The following EVA1A variants were observed in gnomAD, a reference collection of about 807,000 sequenced individuals.
EVA1A encodes the protein protein eva-1 homolog A.
EVA1A carries 7 observed loss-of-function variants against 9.8 expected under a neutral mutation model. That is an observed-to-expected ratio of 0.71 (90% CI 0.41 to 1.34). EVA1A has a LOEUF of 1.34. Among genes scored for constraint, EVA1A ranks in the 40% most tolerant of loss-of-function variants. The pLI is 0.01. For synonymous variants in EVA1A, 90 were observed against 85.6 expected (o/e 1.05, Z -0.28); for missense variants, 206 against 205.9 (o/e 1.00, Z 0.00).
intron 2 of EVA1A, among the ~76,000 whole-genome samples, chr2:75,519,915 C>A (rs919991582): frequency 3.9e-5 from 6 of 152,050 alleles, no homozygotes; most frequent in Admixed American, 3.3e-4. Flanking sequence ...ATGATACCTC[C>A]TTCCTTCTCA....
chr2:75,524,876 A>G (rs1675365837), intron 1 of EVA1A, among the ~76,000 whole-genome samples: 1 of 152,086 alleles, frequency 6.6e-6, no homozygotes, highest in Non-Finnish European at 1.5e-5. Flanking sequence ...GCTGATCTCC[A>G]TCTCTCTATA....
intron 1 of EVA1A, among the ~76,000 whole-genome samples, chr2:75,553,424 G>C (rs568847459): frequency 6.6e-6 from 1 of 152,354 alleles, no homozygotes; most frequent in South Asian, 2.1e-4. Context: ...ACTGTAATGA[G>C]AGATGGACAG....
At chr2:75,536,755 T>A (rs886423215) in intron 1 of EVA1A, among the ~76,000 whole-genome samples, 1 of 152,026 alleles carries the variant, frequency 6.6e-6, no homozygotes, top group East Asian at 1.9e-4. Flanking sequence ...TCATCCAATA[T>A]GACAGAGATA....
intron 1 of EVA1A, among the ~76,000 whole-genome samples, chr2:75,559,637 A>G (rs1676842803): frequency 6.9e-6 from 1 of 144,742 alleles, no homozygotes; most frequent in South Asian, 2.2e-4. Flanking sequence ...TTTGAATATA[A>G]TCAAGGTATA....
At chr2:75,560,461 A>G (rs1249188061) in intron 1 of EVA1A, among the ~76,000 whole-genome samples, 1 of 152,156 alleles carries the variant, frequency 6.6e-6, no homozygotes, top group African/African-American at 2.4e-5. Flanking sequence ...GAAACAGGAA[A>G]GTGGGAGGAA....
Position 75,566,750 on chromosome 2 carries a change from C to T in EVA1A, c.-192+2726G>A, listed in dbSNP as rs569045838. On this transcript the variant is annotated intron_variant, in intron 1 of 3. Transcript: ENST00000233712. ...TATTTCTCTAGCCAGTTGCTGCTGC[C>T]CAATACAACATTTCTTCTGATTAAT... 5.9e-5 allele frequency among the ~76,000 whole-genome samples: 9 copies of T among 151,926 alleles called. No individual in the cohort carries two copies. The East Asian group carries it at 1.7e-3, about 29-fold the overall frequency.
intron 1 of EVA1A, among the ~76,000 whole-genome samples, chr2:75,568,777 A>T (rs112334763): frequency 9.2e-5 from 14 of 152,364 alleles, no homozygotes; most frequent in African/African-American, 3.1e-4. Context: ...ACATTGCTGT[A>T]AAAGACATTA....
intron 1 of EVA1A, among the ~76,000 whole-genome samples, chr2:75,528,955 G>A (rs1358595399): frequency 6.6e-6 from 1 of 152,184 alleles, no homozygotes; most frequent in Non-Finnish European, 1.5e-5. Context: ...CAGAGGTCCT[G>A]AATCTGTCTG....
intron 1 of EVA1A, chr2:75,558,487 A>G (rs979356149): frequency 2.0e-5 from 3 of 152,208 alleles, no homozygotes; most frequent in African/African-American, 4.8e-5. Flanking sequence ...AAATACTGCA[A>G]GAGATACATA....
chr2:75,568,586 G>A (rs1003786335), intron 1 of EVA1A, among the ~76,000 whole-genome samples: 7 of 152,072 alleles, frequency 4.6e-5, no homozygotes, highest in African/African-American at 1.7e-4. Context: ...TGTACCCAGT[G>A]TGTAGTCTTT....
intron 3 of EVA1A, among the ~76,000 whole-genome samples, chr2:75,514,467 G>A (rs965247403): frequency 6.6e-6 from 1 of 152,074 alleles, no homozygotes; most frequent in Non-Finnish European, 1.5e-5. Context: ...TCTACTATAT[G>A]TATGGTATAA....
At chr2:75,507,382 A>T (rs1674653684) in intron 3 of EVA1A, among the ~76,000 whole-genome samples, 1 of 152,252 alleles carries the variant, frequency 6.6e-6, no homozygotes, top group South Asian at 2.1e-4. Context: ...CTATGTGGCT[A>T]GGACTGCAAA....
intron 3 of EVA1A, among the ~76,000 whole-genome samples, chr2:75,509,872 A>G (rs764882428): frequency 1.3e-5 from 2 of 152,092 alleles, no homozygotes; most frequent in Non-Finnish European, 2.9e-5. Context: ...TTAAGATTGT[A>G]CCTTTCAATG....
rs567371400 is a variant in EVA1A at position 75,536,938 on chromosome 2, A to G, written c.-191-14451T>C. On this transcript the variant is annotated intron_variant, in intron 1 of 3. Coordinates refer to ENST00000393913, the MANE Select transcript of EVA1A (RefSeq NM_001135032.2). Reference sequence around the variant, plus strand: ...CTTCCAGAAAATCAGAGAAGAGGGGATACTTCCCAATTCATTTCATGAAGC... The same window carrying G: ...CTTCCAGAAAATCAGAGAAGAGGGGGTACTTCCCAATTCATTTCATGAAGC... Among the ~76,000 whole-genome samples, 26 of 152,308 alleles carry G rather than the reference A, an allele frequency of 1.7e-4. No homozygotes were observed. In the East Asian group the frequency reaches 4.2e-3, roughly 25 times the overall value.
intron 1 of EVA1A, among the ~76,000 whole-genome samples, chr2:75,530,679 A>C (rs926556608): frequency 6.6e-6 from 1 of 152,240 alleles, no homozygotes; most frequent in South Asian, 2.1e-4. Context: ...AGATGCAGAA[A>C]AAAAATTTGA....
chr2:75,524,179 T>C (rs1257416504), intron 1 of EVA1A: 1 of 152,206 alleles, frequency 6.6e-6, no homozygotes, highest in African/African-American at 2.4e-5. Flanking sequence ...CTTTCCTTTA[T>C]AAATTACCCA....
chr2:75,518,797 T>C, intron 2 of EVA1A: 3 of 985,594 alleles, frequency 3.0e-6, no homozygotes, highest in Non-Finnish European at 3.6e-6. Flanking sequence ...CTGATGACAC[T>C]TGTGTACCTT....
At chr2:75,559,703 G>GA (rs1553422532) in intron 1 of EVA1A, among the ~76,000 whole-genome samples, 2 of 135,684 alleles carry the variant, frequency 1.5e-5, no homozygotes, top group Non-Finnish European at 3.2e-5. Flanking sequence ...GAGGTGGGGG[G>GA]GGGGCGGGGG....
intron 3 of EVA1A, among the ~76,000 whole-genome samples, chr2:75,496,255 G>A (rs192630051): frequency 2.4e-4 from 36 of 152,220 alleles, no homozygotes; most frequent in Middle Eastern, 3.4e-3. Flanking sequence ...ATCACTTTTC[G>A]CAGACAATAT....
Sources: allele counts gnomAD v4.1 joint callset (sites outside exome capture counted in the v4.1 genomes callset), GRCh38; gene constraint gnomAD v4.1.1; transcripts MANE v1.5; gene names NCBI Gene and HGNC (gene_info 2026-07-23, HGNC 2026-07-21).